The following PTPRD variants were observed in gnomAD, a reference collection of about 807,000 sequenced individuals.
PTPRD encodes the protein protein tyrosine phosphatase receptor type D.
In PTPRD, 34 loss-of-function variants were observed where a neutral mutation model predicts 214.5. That is an observed-to-expected ratio of 0.16 (90% CI 0.12 to 0.21). The LOEUF is 0.21. PTPRD is among the 10% of genes least tolerant of loss of function. The probability of loss-of-function intolerance (pLI) is 1.00; values close to 1 mark genes in which losing one functional copy is unlikely to be tolerated. For missense variants in PTPRD, 2,545 were observed against 2,398.7 expected, an observed-to-expected ratio of 1.06 and a Z score of -1.27; for synonymous variants, 1,128 against 845.7, an observed-to-expected ratio of 1.33 and a Z score of -5.79.
At chr9:8,751,900 T>C (rs1467711137) in intron 11 of PTPRD, among the ~76,000 whole-genome samples, 1 of 152,196 alleles carries the variant, frequency 6.6e-6, no homozygotes, top group Admixed American at 6.5e-5. Context: ...ATTCTGCTTC[T>C]CAAGTAGAAA....
intron 10 of PTPRD, among the ~76,000 whole-genome samples, chr9:9,035,249 T>G (rs981487935): frequency 9.9e-5 from 15 of 152,134 alleles, no homozygotes; most frequent in African/African-American, 3.6e-4. Context: ...TCCTCCTGCT[T>G]AAAATAAGAG....
intron 8 of PTPRD, among the ~76,000 whole-genome samples, chr9:9,433,304 G>C (rs1254670779): frequency 6.6e-6 from 1 of 151,990 alleles, no homozygotes; most frequent in African/African-American, 2.4e-5. Context: ...TCAGTAGGAA[G>C]TCATCCTTTT....
chr9:9,054,688 C>T (rs1257504538), intron 10 of PTPRD, among the ~76,000 whole-genome samples: 1 of 152,116 alleles, frequency 6.6e-6, no homozygotes, highest in East Asian at 1.9e-4. Context: ...TATTTTTGCT[C>T]ACTTAAACAA....
At chr9:9,037,674 C>A (rs886791300) in intron 10 of PTPRD, among the ~76,000 whole-genome samples, 2 of 152,142 alleles carry the variant, frequency 1.3e-5, no homozygotes, top group Non-Finnish European at 2.9e-5. Flanking sequence ...CCCTTCTTTA[C>A]AAGATTTATC....
chr9:8,398,891 C>T (rs2091828553), intron 36 of PTPRD, among the ~76,000 whole-genome samples: 1 of 151,980 alleles, frequency 6.6e-6, no homozygotes, highest in Non-Finnish European at 1.5e-5. Flanking sequence ...GTTATAGCAG[C>T]ACAAATGGAC....
chr9:10,432,106 T>C (rs1403132270), intron 2 of PTPRD, among the ~76,000 whole-genome samples: 2 of 151,450 alleles, frequency 1.3e-5, no homozygotes, highest in Admixed American at 6.6e-5. Context: ...TATGCAGCCA[T>C]AAAAAAATGA....
intron 9 of PTPRD, among the ~76,000 whole-genome samples, chr9:9,337,547 G>C (rs1425108186): frequency 1.3e-5 from 2 of 152,112 alleles, no homozygotes; most frequent in South Asian, 4.2e-4. Flanking sequence ...GAAAATGTTG[G>C]TTTAAATTCT....
rs150226350 is a variant in PTPRD, at chr9:9,969,114, G to C, written c.-471-30504C>G. 1.6e-3 allele frequency among the ~76,000 whole-genome samples: 249 copies of C among 152,182 alleles called. 2 individuals are homozygous for C. Among genetic ancestry groups the C allele is most frequent in the African/African-American group, 5.3e-3 (219 of 41,544 alleles). On this transcript the variant is annotated intron_variant, in intron 4 of 45. Coordinates refer to ENST00000381196, the MANE Select transcript of PTPRD (RefSeq NM_002839.4). ...GAAAGCATGTGACACGTCCATAAAA[G>C]TCTCACTGAGGAAATAACAAAGCTA...
intron 3 of PTPRD, among the ~76,000 whole-genome samples, chr9:10,148,363 T>G (rs1276089160): frequency 6.6e-6 from 1 of 152,200 alleles, no homozygotes; most frequent in African/African-American, 2.4e-5. Context: ...TCTGGCATGA[T>G]GCTAAGTGTT....
chr9:10,156,348 G>C (rs1445484874), intron 3 of PTPRD, among the ~76,000 whole-genome samples: 2 of 151,972 alleles, frequency 1.3e-5, no homozygotes, highest in Non-Finnish European at 2.9e-5. Context: ...TTTCTCTCAT[G>C]AGTTTCAAAG....
chr9:9,516,393 T>A (rs2096839448), intron 8 of PTPRD, among the ~76,000 whole-genome samples: 1 of 151,976 alleles, frequency 6.6e-6, no homozygotes, highest in African/African-American at 2.4e-5. Context: ...GTGAACTTGA[T>A]CGAGAAAAGA....
At chr9:8,811,611 A>T (rs1186111204) in intron 11 of PTPRD, among the ~76,000 whole-genome samples, 1 of 151,836 alleles carries the variant, frequency 6.6e-6, no homozygotes, top group African/African-American at 2.4e-5. Context: ...AAATACATTA[A>T]TCACTGACAA....
intron 3 of PTPRD, among the ~76,000 whole-genome samples, chr9:10,201,244 G>A (rs1594014303): frequency 1.3e-5 from 2 of 152,074 alleles, no homozygotes; most frequent in East Asian, 3.9e-4. Context: ...CCATAAAGGT[G>A]TGAAACATTG....
chr9:9,512,869 T>TG (rs1201311391), intron 8 of PTPRD, among the ~76,000 whole-genome samples: 4 of 86,382 alleles, frequency 4.6e-5, no homozygotes, highest in East Asian at 5.1e-4. Context: ...TCTATGGTGA[T>TG]GAAAAAAAAA....
At chr9:9,951,529 T>A (rs2093451676) in intron 4 of PTPRD, among the ~76,000 whole-genome samples, 1 of 152,206 alleles carries the variant, frequency 6.6e-6, no homozygotes, top group South Asian at 2.1e-4. Flanking sequence ...TTCTTCTGAA[T>A]CCTCCTGGCT....
chr9:8,414,101 T>A (rs1287483829), intron 35 of PTPRD, among the ~76,000 whole-genome samples: 4 of 152,174 alleles, frequency 2.6e-5, no homozygotes, highest in African/African-American at 4.8e-5. Flanking sequence ...ACAGCAACAA[T>A]TACTTTTACC....
intron 5 of PTPRD, among the ~76,000 whole-genome samples, chr9:9,806,703 T>TA (rs2099075349): frequency 6.6e-6 from 1 of 152,126 alleles, no homozygotes; most frequent in African/African-American, 2.4e-5. Flanking sequence ...GGCGGTCTCT[T>TA]ATACAGACAT....
chr9:8,422,922 C>A (rs1351819362), intron 35 of PTPRD, among the ~76,000 whole-genome samples: 1 of 152,130 alleles, frequency 6.6e-6, no homozygotes, highest in Admixed American at 6.6e-5. Flanking sequence ...AAAAGGGAGG[C>A]AGCATTTCAT....
chr9:8,958,189 GGAA>G (rs2099141498), intron 11 of PTPRD, among the ~76,000 whole-genome samples: 1 of 151,782 alleles, frequency 6.6e-6, no homozygotes, highest in African/African-American at 2.4e-5. Context: ...CTCTCAAAAT[GGAA>G]GAAGTTATGT....
Sources: allele counts gnomAD v4.1 joint callset (sites outside exome capture counted in the v4.1 genomes callset), GRCh38; gene constraint gnomAD v4.1.1; transcripts MANE v1.5; gene names NCBI Gene and HGNC (gene_info 2026-07-23, HGNC 2026-07-21).